The following PDE6B variants were observed in gnomAD, a reference collection of about 807,000 sequenced individuals.
The protein encoded by PDE6B is phosphodiesterase 6B.
PDE6B carries 106 observed loss-of-function variants against 109.0 expected under a neutral mutation model. The observed-to-expected ratio is 0.97, with a 90% CI of 0.83 to 1.14. The LOEUF (loss-of-function observed/expected upper bound fraction) is 1.14, where lower values mean the gene tolerates loss of function less well. Among genes scored for constraint, PDE6B ranks in the 50% most tolerant of loss-of-function variants. The pLI, the probability that PDE6B is intolerant of heterozygous loss-of-function variation, is 0.00. For missense variants in PDE6B, 1,193 were observed against 1,155.6 expected, an observed-to-expected ratio of 1.03 and a Z score of -0.47; for synonymous variants, 490 against 471.3, an observed-to-expected ratio of 1.04 and a Z score of -0.51.
intron 3 of PDE6B, chr4:652,496 G>A: frequency 1.0e-6 from 1 of 985,248 alleles, no homozygotes; most frequent in Non-Finnish European, 1.2e-6. Context: ...GGGCTTCAAG[G>A]TCAGCCGCGC....
At chr4:658,101 C>T (rs1736573421) in intron 10 of PDE6B, among the ~76,000 whole-genome samples, 1 of 119,556 alleles carries the variant, frequency 8.4e-6, no homozygotes, top group South Asian at 2.9e-4. Context: ...GAGGTCATGG[C>T]TCTGCGGCGG....
chr4:649,110 T>G (rs28438498), intron 3 of PDE6B, among the ~76,000 whole-genome samples: 1 of 152,128 alleles, frequency 6.6e-6, no homozygotes, highest in Non-Finnish European at 1.5e-5. Flanking sequence ...GGCACAGCAG[T>G]CCGTCTGCCG....
rs139289207 is a variant in PDE6B, at chr4:659,501, A to G, written c.1467+484A>G. Among the ~76,000 whole-genome samples, 18 of 146,240 alleles carry G rather than the reference A, an allele frequency of 1.2e-4. No individual in the cohort carries two copies. The East Asian group carries it at 3.7e-3, about 30-fold the overall frequency. ...GGTGTCTGTGTGTGCACAAGTGTGT[A>G]CGTGTGTGTGCATGTAGGTGTGTGT... On this transcript the variant is annotated intron_variant, in intron 11 of 21. Coordinates refer to ENST00000496514, the MANE Select transcript of PDE6B (RefSeq NM_000283.4).
chr4:632,601 G>A (rs758395697), intron 1 of PDE6B, among the ~76,000 whole-genome samples: 17 of 149,476 alleles, frequency 1.1e-4, no homozygotes, highest in African/African-American at 1.7e-4. Context: ...TCAGGGTCAC[G>A]TTGTGTGGAT....
In PDE6B at chr4:670,104, G is replaced by T; in HGVS notation, c.2562G>T (p.Leu854=). The part of the protein sequence containing the change: ...PAPKSSTCCI[L] ...CCAAGTCTTCAACCTGCTGTATCCT[G>T]TGAGCACTGGTCCCATGGGGACCCT... Residue 854 remains leucine (L), a synonymous_variant, in exon 22 of 22, where the codon CTG becomes CTT. Transcript: ENST00000496514. 1.2e-6 allele frequency: 2 copies of T among 1,612,480 alleles called. No homozygotes were observed. Among genetic ancestry groups the T allele is most frequent in the South Asian group, 1.1e-5 (1 of 91,064 alleles).
At chr4:640,393 G>T (rs538835283) in intron 3 of PDE6B, among the ~76,000 whole-genome samples, 12 of 152,212 alleles carry the variant, frequency 7.9e-5, no homozygotes, top group African/African-American at 2.2e-4. Flanking sequence ...ATGAAAATTA[G>T]CCAGGCATGG....
chr4:670,748 G>A lies in PDE6B; in HGVS notation c.*641G>A, dbSNP rs764015595. 2.6e-5 allele frequency: 4 copies of A among 152,826 alleles called. No homozygotes were observed. The highest frequency in any genetic ancestry group is 6.5e-5 in the Admixed American group (1 of 15,346). The allele number at this position is 152,826 out of a possible 1,614,324, so 9.5% of individuals were successfully genotyped here. A position where few individuals can be genotyped will look rare whatever the true frequency, so the allele number is the denominator to read the frequency against. On this transcript the variant is annotated 3_prime_UTR_variant, in exon 22 of 22. Transcript: ENST00000496514. ...TCATCCAGTTTAGGAAAACACACATGCTCAGGAATTCAGAATAAAATAAAC... is the reference window on the plus strand; with the variant it reads ...TCATCCAGTTTAGGAAAACACACATACTCAGGAATTCAGAATAAAATAAAC...
chr4:667,300 C>T (rs1046501085), intron 20 of PDE6B, among the ~76,000 whole-genome samples: 6 of 152,156 alleles, frequency 3.9e-5, no homozygotes, highest in Non-Finnish European at 7.4e-5. Context: ...GCCCACTCCC[C>T]GCCCCATCCT....
In PDE6B at chr4:648,461, C is replaced by T. The variant is rs537910733; in HGVS notation, c.712-5391C>T. Among the ~76,000 whole-genome samples, 6 of 150,650 alleles carry T rather than the reference C, an allele frequency of 4.0e-5. No individual in the cohort carries two copies. The South Asian group carries it at 1.0e-3, about 26-fold the overall frequency. ...CGCCCAACGCCTGCACTTCGTCTGC[C>T]TCCTCCTTGAGCTGTGGAAGGAAAG... On this transcript the variant is annotated intron_variant, in intron 3 of 21. Coordinates refer to ENST00000496514, the MANE Select transcript of PDE6B (RefSeq NM_000283.4). This position sits in a 1 kb window ranked among gnomAD's most constrained non-coding sequence, Gnocchi z 4.5.
rs1227870689 is a variant in PDE6B, at chr4:670,431, T to TG, written c.*328dup. 13 of 331,638 alleles carry TG rather than the reference T, an allele frequency of 3.9e-5. No homozygotes were observed. In the East Asian group the frequency reaches 1.0e-3, roughly 26 times the overall value. 20.5% of individuals were successfully genotyped at this position (331,638 alleles called of 1,614,324 possible). A position where few individuals can be genotyped will look rare whatever the true frequency, so the allele number is the denominator to read the frequency against. ...CTAATTTTTGTATTTTCAGTACAGATGGGGTTTCACCATATTGGGCAGGCT... is the reference window on the plus strand; with the variant it reads ...CTAATTTTTGTATTTTCAGTACAGATGGGGGTTTCACCATATTGGGCAGGCT... On this transcript the variant is annotated 3_prime_UTR_variant, in exon 22 of 22. Transcript: ENST00000496514.
chr4:650,413 C>T (rs900487723), intron 3 of PDE6B, among the ~76,000 whole-genome samples: 13 of 152,378 alleles, frequency 8.5e-5, no homozygotes, highest in African/African-American at 2.6e-4. Flanking sequence ...TCACAGCCTG[C>T]TTCCTCCACA....
chr4:649,009 C>G (rs1365821343), intron 3 of PDE6B, among the ~76,000 whole-genome samples: 1 of 152,080 alleles, frequency 6.6e-6, no homozygotes, highest in Non-Finnish European at 1.5e-5. Flanking sequence ...CTGTCCACAC[C>G]GGGCAGTGGC....
At chr4:655,151 A>C in intron 6 of PDE6B, 1 of 551,310 alleles carries the variant, frequency 1.8e-6, no homozygotes, top group African/African-American at 1.9e-5. Context: ...TCCAGAGTGG[A>C]CATACAGGGG....
rs771128058 is a variant in PDE6B at position 662,202 on chromosome 4, C to A, written c.1683C>A (p.His561Gln). ...YRRITYHNWR[H>Q]GFNVAQTMFT... ...GAATCACCTACCACAACTGGCGCCA[C>A]GGCTTCAACGTGGCCCAGACGATGT... is the stretch of plus-strand genomic sequence containing the variant. The change falls in exon 13 of 22, where the codon CAC (histidine) becomes CAA (glutamine). Residue 561 changes from histidine to glutamine, a missense_variant. Coordinates refer to ENST00000496514, the MANE Select transcript of PDE6B (RefSeq NM_000283.4). The surrounding 1 kb of genome is among the most constrained non-coding windows in gnomAD (Gnocchi z 4.3). 6.3e-7 allele frequency: 1 copy of A among 1,578,458 alleles called. No homozygotes were observed. The highest frequency in any genetic ancestry group is 8.6e-7 in the Non-Finnish European group (1 of 1,161,796).
In PDE6B at chr4:660,552, A is replaced by C; in HGVS notation, c.1553A>C (p.Lys518Thr). 1 of 1,613,846 alleles carries C rather than the reference A, an allele frequency of 6.2e-7. No individual in the cohort carries two copies. The highest frequency in any genetic ancestry group is 8.5e-7 in the Non-Finnish European group (1 of 1,179,908). Residue 518 changes from lysine to threonine, a missense_variant, in exon 12 of 22, where the codon AAA becomes ACA. Coordinates refer to ENST00000496514, the MANE Select transcript of PDE6B (RefSeq NM_000283.4). ...GAGTGCACCGAACTGGACCTGGTCA[A>C]ATGTGGCATCCAGATGTACTACGAG... The part of the protein sequence containing the change: ...DLECTELDLV[K>T]CGIQMYYELG...
Position 662,760 on chromosome 4 carries a change from C to G in PDE6B, c.1832+142C>G, listed in dbSNP as rs572639651. ...ACTCCAGCACTGTGGGAGGCCAAGG[C>G]GAGGGGATTGCTTGAGCCCAGGAGT... On this transcript the variant is annotated intron_variant, in intron 14 of 21. Transcript: ENST00000496514. The surrounding 1 kb of genome is among the most constrained non-coding windows in gnomAD (Gnocchi z 4.3). 14 of 673,530 alleles carry G rather than the reference C, an allele frequency of 2.1e-5. No individual in the cohort carries two copies. Among genetic ancestry groups the G allele is most frequent in the African/African-American group, 2.0e-4 (11 of 54,972 alleles). 41.7% of individuals were successfully genotyped at this position (673,530 alleles called of 1,614,324 possible).
intron 3 of PDE6B, among the ~76,000 whole-genome samples, chr4:645,542 G>A (rs918281074): frequency 4.0e-5 from 6 of 151,678 alleles, no homozygotes; most frequent in Non-Finnish European, 5.9e-5. Context: ...TGATCCGCCC[G>A]CCTCGGCCTC....
chr4:659,606 T>G (rs1306856101), intron 11 of PDE6B, among the ~76,000 whole-genome samples: 2 of 145,362 alleles, frequency 1.4e-5, no homozygotes, highest in South Asian at 2.1e-4. Flanking sequence ...TGTGTGTGCG[T>G]GTGTGCATTG....
At chr4:657,636 G>C in intron 10 of PDE6B, 142 bp downstream of exon 10, 2 of 787,782 alleles carry the variant, frequency 2.5e-6, no homozygotes, top group Non-Finnish European at 4.2e-6. Flanking sequence ...ACGGCTGTGC[G>C]GTGGGGGCAG....
Sources: allele counts gnomAD v4.1 joint callset (sites outside exome capture counted in the v4.1 genomes callset), GRCh38; gene constraint gnomAD v4.1.1; non-coding constraint Gnocchi (gnomAD v3.1); transcripts MANE v1.5; gene names NCBI Gene and HGNC (gene_info 2026-07-23, HGNC 2026-07-21).